The following TIAM1 variants were observed in gnomAD, a reference collection of about 807,000 sequenced individuals.
TIAM1 encodes the protein rho guanine nucleotide exchange factor TIAM1.
Under a neutral mutation model 163.5 loss-of-function variants are expected in TIAM1, and 65 were observed. That is an observed-to-expected ratio of 0.40 (90% CI 0.33 to 0.49). The LOEUF (loss-of-function observed/expected upper bound fraction) is 0.49, where lower values mean the gene tolerates loss of function less well. Ranked by LOEUF, TIAM1 falls within the 20% of genes least tolerant of loss-of-function variation. TIAM1 has a pLI of 0.77. For synonymous variants in TIAM1, 833 were observed against 810.1 expected, an observed-to-expected ratio of 1.03 and a Z score of -0.48; for missense variants, 1,789 against 2,044.7, an observed-to-expected ratio of 0.87 and a Z score of 2.41.
intron 2 of TIAM1, among the ~76,000 whole-genome samples, chr21:31,375,839 C>T (rs1407333150): frequency 1.3e-5 from 2 of 151,702 alleles, no homozygotes; most frequent in Non-Finnish European, 2.9e-5. Context: ...CCAGCCTGAC[C>T]AACATGGTGA....
intron 1 of TIAM1, among the ~76,000 whole-genome samples, chr21:31,527,872 C>A (rs1470565112): frequency 6.6e-6 from 1 of 152,130 alleles, no homozygotes; most frequent in African/African-American, 2.4e-5. Context: ...CCCATCACTA[C>A]CCTTCAGAAA....
intron 16 of TIAM1, among the ~76,000 whole-genome samples, chr21:31,155,608 C>T (rs2083579509): frequency 6.6e-6 from 1 of 152,084 alleles, no homozygotes; most frequent in Non-Finnish European, 1.5e-5. Flanking sequence ...GGGTTCACGC[C>T]ATTCTCCTGC....
rs1483987194 is a variant in TIAM1 at position 31,127,134 on chromosome 21, A to G, written c.4064T>C (p.Val1355Ala). The G allele has an allele frequency of 6.2e-7, 1 of 1,613,868 alleles. No individual in the cohort carries two copies. The highest frequency in any genetic ancestry group is 1.3e-5 in the African/African-American group (1 of 74,946). The change falls in exon 26 of 28, where the codon GTG becomes GCG. Residue 1355 changes from valine to alanine, a missense_variant. Coordinates refer to ENST00000541036, the MANE Select transcript of TIAM1 (RefSeq NM_001353694.2). Reference protein sequence around the residue: ...LASADAEANAVCEIVHVKSES... With the variant: ...LASADAEANAACEIVHVKSES... ...GGATTTTACATGGACAATTTCACACACGGCATTTGCCTCTGCATCTAAAGA... is the reference window on the plus strand; with the variant it reads ...GGATTTTACATGGACAATTTCACACGCGGCATTTGCCTCTGCATCTAAAGA...
intron 8 of TIAM1, among the ~76,000 whole-genome samples, chr21:31,219,402 C>G (rs908698714): frequency 3.3e-5 from 5 of 152,168 alleles, no homozygotes; most frequent in African/African-American, 1.2e-4. Flanking sequence ...GTCTTGGAAC[C>G]TACTTGTAGA....
At chr21:31,475,514 T>C (rs775753158) in intron 1 of TIAM1, among the ~76,000 whole-genome samples, 38 of 152,216 alleles carry the variant, frequency 2.5e-4, no homozygotes, top group Non-Finnish European at 5.4e-4. Context: ...TCTCTTCCCC[T>C]TCCTTGGGGT....
chr21:31,440,485 A>C (rs1460694920), intron 2 of TIAM1, among the ~76,000 whole-genome samples: 1 of 152,240 alleles, frequency 6.6e-6, no homozygotes, highest in Non-Finnish European at 1.5e-5. Context: ...AAAAGTCACA[A>C]CACAAATGAC....
intron 15 of TIAM1, among the ~76,000 whole-genome samples, chr21:31,166,072 C>T (rs991731044): frequency 6.6e-6 from 1 of 152,222 alleles, no homozygotes; most frequent in Non-Finnish European, 1.5e-5. Flanking sequence ...CCCAGGGGAA[C>T]ATGTTTAATG....
At chr21:31,471,351 C>T (rs1395403869) in intron 1 of TIAM1, among the ~76,000 whole-genome samples, 1 of 152,170 alleles carries the variant, frequency 6.6e-6, no homozygotes, top group Non-Finnish European at 1.5e-5. Context: ...CACACAGACA[C>T]GATCATTCAG....
chr21:31,225,921 C>G lies in TIAM1; in HGVS notation c.1614G>C (p.Trp538Cys). The change falls in exon 7 of 28, where the codon TGG becomes TGC. Residue 538 changes from tryptophan (W) to cysteine (C), a missense_variant. Coordinates refer to ENST00000541036, the MANE Select transcript of TIAM1 (RefSeq NM_001353694.2). ...CGCAGGCAGAGTGGATGGCGGTGAT[C>G]CAGTTTTCAAGCTCCGTCTGGCTAG... The part of the protein sequence containing the change: ...QTTSQTELEN[W>C]ITAIHSACAT... 6.2e-7 allele frequency: 1 copy of G among 1,614,036 alleles called. No homozygotes were observed. The highest frequency in any genetic ancestry group is 8.5e-7 in the Non-Finnish European group (1 of 1,179,990).
At chr21:31,262,520 G>C (rs939849277) in intron 4 of TIAM1, among the ~76,000 whole-genome samples, 1 of 152,182 alleles carries the variant, frequency 6.6e-6, no homozygotes, top group African/African-American at 2.4e-5. Context: ...CGCACATGTG[G>C]ATGCACAACA....
At chr21:31,195,107 C>G in intron 13 of TIAM1, 117 bp downstream of exon 13, 1 of 720,946 alleles carries the variant, frequency 1.4e-6, no homozygotes, top group South Asian at 1.9e-5. Context: ...GAGCAGGAGC[C>G]AGATATACTA....
At chr21:31,205,957 A>AC (rs1320076705) in intron 11 of TIAM1, among the ~76,000 whole-genome samples, 2 of 152,102 alleles carry the variant, frequency 1.3e-5, no homozygotes, top group African/African-American at 4.8e-5. Flanking sequence ...ACAGAGTGAG[A>AC]CCCTGTCTCA....
chr21:31,346,111 G>A (rs768219192), upstream of TIAM1, among the ~76,000 whole-genome samples: 3 of 151,920 alleles, frequency 2.0e-5, no homozygotes, highest in Admixed American at 2.0e-4. Flanking sequence ...AGTAGGTAGA[G>A]TCCAGAGATG....
intron 11 of TIAM1, among the ~76,000 whole-genome samples, chr21:31,207,904 A>G (rs2086536759): frequency 6.6e-6 from 1 of 152,202 alleles, no homozygotes; most frequent in Non-Finnish European, 1.5e-5. Flanking sequence ...CTCATGAGAT[A>G]GAAGCTTGTT....
At chr21:31,126,426 G>A (rs2082201843) in intron 26 of TIAM1, among the ~76,000 whole-genome samples, 1 of 152,058 alleles carries the variant, frequency 6.6e-6, no homozygotes, top group African/African-American at 2.4e-5. Context: ...AATTAGCTGG[G>A]CATGGTGGCA....
intron 1 of TIAM1, among the ~76,000 whole-genome samples, chr21:31,501,588 T>G (rs1343597503): frequency 1.8e-5 from 1 of 54,344 alleles, no homozygotes; most frequent in Admixed American, 1.6e-4. Flanking sequence ...GAAGTGGTTT[T>G]TGTTTGTTTG....
At position 31,415,589 on chromosome 21, in the gene TIAM1, T is replaced by C. The variant is rs145683407; in HGVS notation, c.-369+48394A>G. 2.6e-3 allele frequency among the ~76,000 whole-genome samples: 402 copies of C among 152,304 alleles called. 2 individuals carry two copies. The highest frequency in any genetic ancestry group is 3.8e-3 in the Non-Finnish European group (258 of 68,028). ...ACACTACCTTCACCCAGCTTGCTTT[T>C]CTCTGTCGCCACAATTTTTCTCTCC... On this transcript the variant is annotated intron_variant, in intron 2 of 28. Coordinates refer to the TIAM1 transcript ENST00000286827.
rs764569624 is a variant in TIAM1 at position 31,165,023 on chromosome 21, G to A, written c.2930C>T (p.Ala977Val). 1 of 1,614,160 alleles carries A rather than the reference G, an allele frequency of 6.2e-7. No individual in the cohort carries two copies. Among genetic ancestry groups the A allele is most frequent in the Non-Finnish European group, 8.5e-7 (1 of 1,180,050 alleles). Residue 977 changes from alanine (A) to valine (V), a missense_variant, in exon 16 of 28, where the codon GCT becomes GTT. Coordinates refer to ENST00000541036, the MANE Select transcript of TIAM1 (RefSeq NM_001353694.2). ...CSEQGSSAET[A>V]PEETEGPDLE... is the part of the protein sequence containing the mutation. Reference sequence around the variant, plus strand: ...GTCTGGCCCCTCGGTCTCCTCTGGAGCGGTCTCAGCACTGCTGCCCTGCTC... The same window carrying A: ...GTCTGGCCCCTCGGTCTCCTCTGGAACGGTCTCAGCACTGCTGCCCTGCTC...
intron 4 of TIAM1, among the ~76,000 whole-genome samples, chr21:31,261,447 C>T (rs1351013335): frequency 2.6e-5 from 4 of 152,032 alleles, no homozygotes; most frequent in Non-Finnish European, 5.9e-5. Context: ...TGCGGTGGCT[C>T]ACGCCTGTAA....
Sources: allele counts gnomAD v4.1 joint callset (sites outside exome capture counted in the v4.1 genomes callset), GRCh38; gene constraint gnomAD v4.1.1; transcripts MANE v1.5; gene names NCBI Gene and HGNC (gene_info 2026-07-23, HGNC 2026-07-21).